THSD4: variants seen among roughly 807,000 people sequenced by gnomAD.
The protein encoded by THSD4 is thrombospondin type 1 domain containing 4.
THSD4 carries 69 observed loss-of-function variants against 119.0 expected under a neutral mutation model. That is an observed-to-expected ratio of 0.58 (90% CI 0.48 to 0.71). The LOEUF (loss-of-function observed/expected upper bound fraction) is 0.71. Ranked by LOEUF, THSD4 falls within the 30% of genes least tolerant of loss-of-function variation. The probability of loss-of-function intolerance (pLI) is 0.00; values close to 1 mark genes in which losing one functional copy is unlikely to be tolerated. For synonymous variants in THSD4, 524 were observed against 540.4 expected, an observed-to-expected ratio of 0.97 and a Z score of 0.42; for missense variants, 1,393 against 1,391.1, an observed-to-expected ratio of 1.00 and a Z score of -0.02.
chr15:71,290,583 T>C (rs1399819319), intron 6 of THSD4, among the ~76,000 whole-genome samples: 1 of 152,238 alleles, frequency 6.6e-6, no homozygotes, highest in Non-Finnish European at 1.5e-5. Flanking sequence ...TGCATTGTAA[T>C]TAAATTTATT....
chr15:71,548,571 A>G (rs80145875), intron 7 of THSD4, among the ~76,000 whole-genome samples: 39 of 152,316 alleles, frequency 2.6e-4, no homozygotes, highest in African/African-American at 9.1e-4. Flanking sequence ...GCAACGGGTC[A>G]CTTGTTGTAG....
intron 11 of THSD4, among the ~76,000 whole-genome samples, chr15:71,739,191 A>G (rs1044074756): frequency 4.6e-5 from 7 of 152,168 alleles, no homozygotes; most frequent in Admixed American, 1.3e-4. Context: ...ATCCCGGTAA[A>G]ATCCCAACCC....
intron 1 of THSD4, among the ~76,000 whole-genome samples, chr15:71,105,585 T>C (rs1227673847): frequency 6.6e-6 from 1 of 152,198 alleles, no homozygotes; most frequent in South Asian, 2.1e-4. Flanking sequence ...AGAGGCTCCT[T>C]AAGAATAAGA....
chr15:71,369,901 G>A lies in THSD4; in HGVS notation c.1016-41786G>A, dbSNP rs528925813. On this transcript the variant is annotated intron_variant, in intron 6 of 17. Transcript: ENST00000261862. Reference sequence around the variant, plus strand: ...TCTGGTAGAATTCGGCTGTGAATCCGTCTGGTCCTGGAGTTTTTTTTGGTT... The same window carrying A: ...TCTGGTAGAATTCGGCTGTGAATCCATCTGGTCCTGGAGTTTTTTTTGGTT... 1.0e-3 allele frequency among the ~76,000 whole-genome samples: 154 copies of A among 152,190 alleles called. 4 individuals are homozygous for A. In the South Asian group the frequency reaches 0.026, roughly 26 times the overall value.
At chr15:71,655,070 G>T (rs149900593) in intron 7 of THSD4, among the ~76,000 whole-genome samples, 31 of 152,300 alleles carry the variant, frequency 2.0e-4, no homozygotes, top group Middle Eastern at 3.4e-3. Context: ...CTCCTGTGAT[G>T]GCTTGCGATG....
At chr15:71,362,770 C>G (rs1362980317) in intron 6 of THSD4, among the ~76,000 whole-genome samples, 3 of 152,098 alleles carry the variant, frequency 2.0e-5, no homozygotes, top group African/African-American at 7.2e-5. Flanking sequence ...ACCCTAATTT[C>G]ATCCTCCCCC....
intron 8 of THSD4, among the ~76,000 whole-genome samples, chr15:71,711,246 CA>C (rs1236774523): frequency 2.0e-5 from 3 of 151,706 alleles, no homozygotes; most frequent in Non-Finnish European, 4.4e-5. Context: ...TTTTTTACAT[CA>C]GTTTTAGGTT....
At chr15:71,700,511 C>G (rs2052264100) in intron 8 of THSD4, among the ~76,000 whole-genome samples, 1 of 152,072 alleles carries the variant, frequency 6.6e-6, no homozygotes. Flanking sequence ...CAAATTAATC[C>G]ATAAATTCAA....
chr15:71,444,084 T>A (rs764412463), intron 7 of THSD4, among the ~76,000 whole-genome samples: 2 of 152,222 alleles, frequency 1.3e-5, no homozygotes, highest in Non-Finnish European at 2.9e-5. Flanking sequence ...CCACAATGAA[T>A]GGCCTATTCC....
chr15:71,114,660 T>C (rs1390215360), upstream of THSD4, among the ~76,000 whole-genome samples: 2 of 152,218 alleles, frequency 1.3e-5, no homozygotes, highest in Non-Finnish European at 2.9e-5. Flanking sequence ...TCATGCCCTT[T>C]TGGGGGCAAT....
chr15:71,241,453 G>T (rs1035025232), intron 4 of THSD4, among the ~76,000 whole-genome samples: 24 of 152,094 alleles, frequency 1.6e-4, no homozygotes, highest in African/African-American at 5.8e-4. Context: ...CCCTTACCCC[G>T]CCCTGCATTG....
At chr15:71,109,506 G>C (rs150966466) in intron 1 of THSD4, among the ~76,000 whole-genome samples, 53 of 152,254 alleles carry the variant, frequency 3.5e-4, no homozygotes, top group African/African-American at 1.3e-3. Flanking sequence ...AAGTTGGTGT[G>C]AGCCCGTCCC....
At chr15:71,757,461 C>T (rs543188328) in intron 14 of THSD4, among the ~76,000 whole-genome samples, 22 of 152,210 alleles carry the variant, frequency 1.4e-4, no homozygotes, top group African/African-American at 4.6e-4. Context: ...AGGGTCTTCT[C>T]ACTCTGTTGC....
intron 7 of THSD4, among the ~76,000 whole-genome samples, chr15:71,586,358 G>A (rs2049670662): frequency 6.6e-6 from 1 of 152,126 alleles, no homozygotes; most frequent in South Asian, 2.1e-4. Context: ...TCTGTTCACG[G>A]TCTCACTGGG....
chr15:71,399,750 G>T (rs558807805), intron 6 of THSD4, among the ~76,000 whole-genome samples: 2 of 152,214 alleles, frequency 1.3e-5, no homozygotes, highest in Non-Finnish European at 2.9e-5. Flanking sequence ...ACCTTCTTGG[G>T]CTCCATACTA....
At chr15:71,775,486 G>A (rs1244323436) in intron 17 of THSD4, among the ~76,000 whole-genome samples, 1 of 152,166 alleles carries the variant, frequency 6.6e-6, no homozygotes, top group African/African-American at 2.4e-5. Context: ...AAGGCAGGCA[G>A]ATCACTTGAG....
chr15:71,409,922 A>T (rs2046662222), intron 6 of THSD4, among the ~76,000 whole-genome samples: 1 of 150,682 alleles, frequency 6.6e-6, no homozygotes, highest in Admixed American at 6.6e-5. Context: ...TACAGTGTGT[A>T]CTTATCTTGT....
chr15:71,757,519 C>T (rs7495209), intron 14 of THSD4, among the ~76,000 whole-genome samples: 10 of 522 alleles, frequency 0.019, no homozygotes, highest in African/African-American at 0.035. Flanking sequence ...TAGCCTCAAC[C>T]TCCTGGGCTC....
intron 7 of THSD4, among the ~76,000 whole-genome samples, chr15:71,477,069 A>G (rs899682207): frequency 6.6e-6 from 1 of 152,244 alleles, no homozygotes; most frequent in Non-Finnish European, 1.5e-5. Context: ...CTGTTCACCA[A>G]GGTAAACATA....
Sources: allele counts gnomAD v4.1 joint callset (sites outside exome capture counted in the v4.1 genomes callset), GRCh38; gene constraint gnomAD v4.1.1; transcripts MANE v1.5; gene names NCBI Gene and HGNC (gene_info 2026-07-23, HGNC 2026-07-21).